RASGEF1C: variants seen among roughly 807,000 people sequenced by gnomAD.
RASGEF1C encodes ras-GEF domain-containing family member 1C.
Under a neutral mutation model 58.1 loss-of-function variants are expected in RASGEF1C, and 27 were observed. The ratio of observed to expected loss-of-function variants is 0.46; its 90% CI spans 0.34 to 0.64. The LOEUF (loss-of-function observed/expected upper bound fraction) is 0.64, where lower values mean the gene tolerates loss of function less well. RASGEF1C is among the 30% of genes least tolerant of loss of function. The pLI is 0.01. For missense variants in RASGEF1C, 502 were observed against 605.1 expected (o/e 0.83, Z 1.79); for synonymous variants, 243 against 246.3 (o/e 0.99, Z 0.13).
intron 1 of RASGEF1C, among the ~76,000 whole-genome samples, chr5:180,150,149 C>A (rs6878663): frequency 0.72 from 109,387 of 152,030 alleles, 40,525 homozygotes; most frequent in Admixed American, 0.84. Context: ...TTGACCTCCT[C>A]AGATCTGCTT....
intron 1 of RASGEF1C, among the ~76,000 whole-genome samples, chr5:180,176,872 T>G (rs1173445142): frequency 6.6e-6 from 1 of 152,152 alleles, no homozygotes; most frequent in East Asian, 1.9e-4. Context: ...CTAATACTTT[T>G]TTCCAGAAAG....
At chr5:180,101,980 C>T (rs1257810993) in intron 13 of RASGEF1C, 91 bp downstream of exon 13, 7 of 870,604 alleles carry the variant, frequency 8.0e-6, no homozygotes, top group Non-Finnish European at 1.3e-5. Flanking sequence ...TGGTCCCAAG[C>T]AGTCCCCGGG....
intron 10 of RASGEF1C, among the ~76,000 whole-genome samples, chr5:180,116,712 G>C (rs1766074064): frequency 2.0e-5 from 3 of 152,240 alleles, no homozygotes; most frequent in African/African-American, 7.2e-5. Flanking sequence ...GTAGTGCGGA[G>C]CGCCCAGGCC....
intron 1 of RASGEF1C, among the ~76,000 whole-genome samples, chr5:180,161,877 G>A (rs1766950406): frequency 6.6e-6 from 1 of 152,242 alleles, no homozygotes; most frequent in African/African-American, 2.4e-5. Context: ...CACCGACTGA[G>A]GTTCTCCTGT....
chr5:180,182,338 G>A (rs993091280), intron 1 of RASGEF1C, among the ~76,000 whole-genome samples: 2 of 150,888 alleles, frequency 1.3e-5, no homozygotes, highest in African/African-American at 2.4e-5. Context: ...CTTCAAGAAT[G>A]AAGCCGCGGA....
At chr5:180,134,578 C>A (rs1362690610) in intron 4 of RASGEF1C, among the ~76,000 whole-genome samples, 1 of 151,668 alleles carries the variant, frequency 6.6e-6, no homozygotes, top group African/African-American at 2.4e-5. Flanking sequence ...CCACGTGCTA[C>A]CACCCACCTC....
Position 180,127,609 on chromosome 5 carries a change from C to T in RASGEF1C, c.714G>A (p.Lys238=). 6.2e-7 allele frequency: 1 copy of T among 1,611,508 alleles called. No individual in the cohort carries two copies. The highest frequency in any genetic ancestry group is 8.5e-7 in the Non-Finnish European group (1 of 1,179,074). The change falls in exon 6 of 14, where the codon AAG becomes AAA. Residue 238 remains lysine, a splice_region_variant and synonymous_variant. Coordinates refer to ENST00000361132, the MANE Select transcript of RASGEF1C (RefSeq NM_175062.4). ...FVNKDPLAST[K]PCFSDKTSNL... is the part of the protein sequence containing the mutation. ...GGGACAGCCCGTAAGAGCCTCCTAC[C>T]TTTGTGCTGGCCAGAGGGTCCTTGT...
intron 1 of RASGEF1C, among the ~76,000 whole-genome samples, chr5:180,161,355 G>A (rs373736514): frequency 6.6e-6 from 1 of 152,254 alleles, no homozygotes; most frequent in Non-Finnish European, 1.5e-5. Context: ...AGACTGAGGT[G>A]GTTTCCTCCC....
At chr5:180,139,130 G>T (rs1162905227) in intron 1 of RASGEF1C, among the ~76,000 whole-genome samples, 1 of 152,164 alleles carries the variant, frequency 6.6e-6, no homozygotes, top group African/African-American at 2.4e-5. Context: ...GGGCCTGGCA[G>T]CAGCAGGTGT....
intron 1 of RASGEF1C, among the ~76,000 whole-genome samples, chr5:180,179,989 C>A (rs913528089): frequency 3.9e-5 from 6 of 152,162 alleles, no homozygotes; most frequent in Admixed American, 6.5e-5. Flanking sequence ...AAGGACCGGG[C>A]GAGTGGGCAG....
chr5:180,137,181 G>A lies in RASGEF1C; in HGVS notation c.300+409C>T, dbSNP rs1766496547. ...CTTTTGGTTCAGGCGGGTTGAAGTTGGGTCTCTCCCACTAGCGGTAGAGCC... is the reference window on the plus strand; with the variant it reads ...CTTTTGGTTCAGGCGGGTTGAAGTTAGGTCTCTCCCACTAGCGGTAGAGCC... On this transcript the variant is annotated intron_variant, in intron 3 of 13. Coordinates refer to ENST00000361132, the MANE Select transcript of RASGEF1C (RefSeq NM_175062.4). The surrounding 1 kb of genome is among the most constrained non-coding windows in gnomAD (Gnocchi z 4.1). 6.6e-6 allele frequency among the ~76,000 whole-genome samples: 1 copy of A among 152,144 alleles called. No homozygotes were observed. The highest frequency in any genetic ancestry group is 1.5e-5 in the Non-Finnish European group (1 of 68,030).
Position 180,206,945 on chromosome 5 carries a change from G to A in RASGEF1C, c.-7+2083C>T, listed in dbSNP as rs148806288. 1.6e-4 allele frequency among the ~76,000 whole-genome samples: 24 copies of A among 152,340 alleles called. No individual in the cohort carries two copies. In the East Asian group the frequency reaches 4.6e-3, roughly 29 times the overall value. ...TGGCTCCCAATGGTGTGGGAACAAG[G>A]AAGAAGATGCAGGGGTGGGACTGAG... On this transcript the variant is annotated intron_variant, in intron 1 of 13. Coordinates refer to ENST00000361132, the MANE Select transcript of RASGEF1C (RefSeq NM_175062.4).
rs1323685485 is a variant in RASGEF1C at position 180,177,146 on chromosome 5, T to C, written c.-7+31882A>G. Among the ~76,000 whole-genome samples the C allele has an allele frequency of 6.6e-6, 1 of 151,878 alleles. No homozygotes were observed. Among genetic ancestry groups the C allele is most frequent in the Non-Finnish European group, 1.5e-5 (1 of 67,966 alleles). ...GACTCTCAGAGCCTGACGGAGGGGC[T>C]GGATGAGGGGCAGTGGGATGGGGGG... On this transcript the variant is annotated intron_variant, in intron 1 of 13. Coordinates refer to ENST00000361132, the MANE Select transcript of RASGEF1C (RefSeq NM_175062.4). This position sits in a 1 kb window ranked among gnomAD's most constrained non-coding sequence, Gnocchi z 5.0.
intron 1 of RASGEF1C, among the ~76,000 whole-genome samples, chr5:180,170,466 C>T (rs1489610108): frequency 2.0e-5 from 3 of 152,214 alleles, no homozygotes; most frequent in Non-Finnish European, 2.9e-5. Context: ...CAAGTTGTAG[C>T]GTCTCATTCA....
At chr5:180,203,948 A>G (rs72823732) in intron 1 of RASGEF1C, among the ~76,000 whole-genome samples, 22,931 of 152,044 alleles carry the variant, frequency 0.15, 2,197 homozygotes, top group Non-Finnish European at 0.22. Context: ...AGCCGAGATC[A>G]TGCCACTGCA....
At chr5:180,157,673 C>T (rs1018694270) in intron 1 of RASGEF1C, among the ~76,000 whole-genome samples, 14 of 150,908 alleles carry the variant, frequency 9.3e-5, no homozygotes, top group East Asian at 5.8e-4. Context: ...CATGAAAAGA[C>T]GTGGAGAAAA....
At chr5:180,173,177 C>G (rs1340197812) in intron 1 of RASGEF1C, among the ~76,000 whole-genome samples, 1 of 152,238 alleles carries the variant, frequency 6.6e-6, no homozygotes, top group Admixed American at 6.5e-5. Context: ...ACACTGGGGC[C>G]TTTCAGGAGA....
chr5:180,172,659 C>T (rs1366634442), intron 1 of RASGEF1C, among the ~76,000 whole-genome samples: 1 of 152,148 alleles, frequency 6.6e-6, no homozygotes, highest in African/African-American at 2.4e-5. Context: ...TGAGGCTCCA[C>T]CCCAGAGCTT....
intron 1 of RASGEF1C, among the ~76,000 whole-genome samples, chr5:180,183,466 A>T (rs1755948949): frequency 7.1e-6 from 1 of 141,640 alleles, no homozygotes; most frequent in Non-Finnish European, 1.5e-5. Flanking sequence ...ATCATAAAAA[A>T]AAACCCAATT....
Sources: allele counts gnomAD v4.1 joint callset (sites outside exome capture counted in the v4.1 genomes callset), GRCh38; gene constraint gnomAD v4.1.1; non-coding constraint Gnocchi (gnomAD v3.1); transcripts MANE v1.5; gene names NCBI Gene and HGNC (gene_info 2026-07-23, HGNC 2026-07-21).